The following UTP4 variants were observed in gnomAD, a reference collection of about 807,000 sequenced individuals.
UTP4 encodes the protein UTP4 small subunit processome component.
UTP4 carries 45 observed loss-of-function variants against 82.4 expected under a neutral mutation model. The observed-to-expected ratio is 0.55, with a 90% CI of 0.43 to 0.70. UTP4 has a LOEUF of 0.70. Ranked by LOEUF, UTP4 falls within the 30% of genes least tolerant of loss-of-function variation. The pLI, the probability that UTP4 is intolerant of heterozygous loss-of-function variation, is 0.00. For synonymous variants in UTP4, 348 were observed against 300.3 expected, an observed-to-expected ratio of 1.16 and a Z score of -1.64; for missense variants, 819 against 858.3, an observed-to-expected ratio of 0.95 and a Z score of 0.57.
chr16:69,143,713 T>C (rs1003396900), intron 6 of UTP4, among the ~76,000 whole-genome samples: 4 of 152,124 alleles, frequency 2.6e-5, no homozygotes, highest in Non-Finnish European at 5.9e-5. Flanking sequence ...TACCTTTGTA[T>C]TTATGCATTT....
At chr16:69,148,465 C>G (rs544294618) in intron 6 of UTP4, among the ~76,000 whole-genome samples, 22 of 152,050 alleles carry the variant, frequency 1.4e-4, no homozygotes, top group South Asian at 4.2e-4. Context: ...ACCCCGACCT[C>G]AAGTGATCCG....
intron 5 of UTP4, among the ~76,000 whole-genome samples, chr16:69,142,771 G>T (rs952286263): frequency 1.3e-5 from 2 of 152,168 alleles, no homozygotes; most frequent in Non-Finnish European, 2.9e-5. Context: ...TGTGTGTGCA[G>T]TTGACCAGCT....
intron 6 of UTP4, among the ~76,000 whole-genome samples, chr16:69,149,921 G>A (rs1035175914): frequency 6.6e-6 from 1 of 151,768 alleles, no homozygotes; most frequent in Non-Finnish European, 1.5e-5. Context: ...TAGCGACGGG[G>A]TTCACCATGT....
chr16:69,161,510 A>C (rs902158033), intron 13 of UTP4, among the ~76,000 whole-genome samples: 2 of 152,216 alleles, frequency 1.3e-5, no homozygotes, highest in Non-Finnish European at 2.9e-5. Flanking sequence ...ATAAAAATCC[A>C]TGCCTAGGCA....
intron 11 of UTP4, among the ~76,000 whole-genome samples, chr16:69,156,321 A>G (rs1336519610): frequency 1.3e-5 from 2 of 149,564 alleles, no homozygotes; most frequent in African/African-American, 4.9e-5. Flanking sequence ...CACCTGGCTG[A>G]TTTTTGTATT....
chr16:69,150,657 A>G lies in UTP4; in HGVS notation c.859A>G (p.Thr287Ala), dbSNP rs1163085269. 2 of 1,614,102 alleles carry G rather than the reference A, an allele frequency of 1.2e-6. No homozygotes were observed. The highest frequency in any genetic ancestry group is 2.2e-5 in the South Asian group (2 of 91,084). ...GCGGACAAAACCGTTCCAGCATCAC[A>G]CTCATGACGTGCGCACTGTGGCCCA... Reference protein sequence around the residue: ...WVRTKPFQHHTHDVRTVAHSP... With the variant: ...WVRTKPFQHHAHDVRTVAHSP... The change falls in exon 7 of 17, where the codon ACT becomes GCT. Residue 287 changes from threonine to alanine, a missense_variant. Physicochemically the swap from Thr to Ala is moderately conservative, Grantham distance 58. Coordinates refer to ENST00000314423, the MANE Select transcript of UTP4 (RefSeq NM_032830.3).
At chr16:69,146,381 T>C (rs1469050126) in intron 6 of UTP4, among the ~76,000 whole-genome samples, 1 of 152,214 alleles carries the variant, frequency 6.6e-6, no homozygotes. Context: ...AATTTGCTTA[T>C]AACATTTGTT....
intron 4 of UTP4, among the ~76,000 whole-genome samples, chr16:69,138,849 C>T (rs576952062): frequency 2.6e-5 from 4 of 152,080 alleles, no homozygotes; most frequent in African/African-American, 9.6e-5. Flanking sequence ...CTGTGGGCCA[C>T]AGTTTGGTGA....
In UTP4 at chr16:69,164,725, C is replaced by T. The variant is rs115195678; in HGVS notation, c.1648-616C>T. 5.0e-3 allele frequency among the ~76,000 whole-genome samples: 751 copies of T among 151,300 alleles called. 4 individuals carry two copies. Among genetic ancestry groups the T allele is most frequent in the African/African-American group, 0.018 (732 of 41,226 alleles). On this transcript the variant is annotated intron_variant, in intron 14 of 16. Coordinates refer to ENST00000314423, the MANE Select transcript of UTP4 (RefSeq NM_032830.3). ...CAAAGATATGAAACAAGCTAATGTCCATTAAGCAGAGTGGATAAGTAAATC... is the reference window on the plus strand; with the variant it reads ...CAAAGATATGAAACAAGCTAATGTCTATTAAGCAGAGTGGATAAGTAAATC...
intron 5 of UTP4, chr16:69,142,131 G>C (rs999083785): frequency 6.6e-6 from 1 of 152,120 alleles, no homozygotes; most frequent in Non-Finnish European, 1.5e-5. Context: ...CTTTCCTCAT[G>C]TCTGGTGATC....
At position 69,137,831 on chromosome 16, in the gene UTP4, T is replaced by C; in HGVS notation, c.382T>C (p.Phe128Leu). Residue 128 changes from phenylalanine (F) to leucine (L), a missense_variant, in exon 4 of 17, where the codon TTT becomes CTT. By Grantham distance (22) the Phe-to-Leu change is conservative. Transcript: ENST00000314423. ...VGCEDGSVKL[F>L]QITPDKIQFE... ...TTGTGAAGATGGATCTGTGAAACTATTTCAAATTACCCCAGACAAAATCCA... is the reference window on the plus strand; with the variant it reads ...TTGTGAAGATGGATCTGTGAAACTACTTCAAATTACCCCAGACAAAATCCA... The C allele has an allele frequency of 6.2e-7, 1 of 1,613,246 alleles. No homozygotes were observed. Among genetic ancestry groups the C allele is most frequent in the Non-Finnish European group, 8.5e-7 (1 of 1,179,184 alleles).
At chr16:69,150,489 A>T in intron 6 of UTP4, 48 bp from the exon 7 acceptor site, 1 of 1,607,476 alleles carries the variant, frequency 6.2e-7, no homozygotes. Flanking sequence ...TTTTCCAACC[A>T]GACCTTGTTT....
At chr16:69,165,207 A>C in intron 14 of UTP4, 134 bp from the exon 15 acceptor site, 1 of 746,176 alleles carries the variant, frequency 1.3e-6, no homozygotes, top group East Asian at 2.7e-5. Context: ...AAAAAAAAAA[A>C]AGTGTTGGGA....
At chr16:69,159,664 A>T (rs995845405) in intron 12 of UTP4, among the ~76,000 whole-genome samples, 2 of 151,636 alleles carry the variant, frequency 1.3e-5, no homozygotes, top group African/African-American at 4.8e-5. Context: ...CTCCAGCCTG[A>T]CAACAGAGTG....
In UTP4 at chr16:69,159,349, G is replaced by A. The variant is rs552109740; in HGVS notation, c.1445-1007G>A. Among the ~76,000 whole-genome samples the A allele has an allele frequency of 1.1e-4, 17 of 152,172 alleles. 1 individual carries two copies. The South Asian group carries it at 3.5e-3, about 32-fold the overall frequency. On this transcript the variant is annotated intron_variant, in intron 12 of 16. Coordinates refer to ENST00000314423, the MANE Select transcript of UTP4 (RefSeq NM_032830.3). ...ACCTACCTCTGCCTCCCAAAGTGCT[G>A]GGATTACAGGTGTGAGCTACCACGC... is the stretch of plus-strand genomic sequence containing the variant.
Position 69,168,869 on chromosome 16 carries a change from G to A in UTP4, c.1993G>A (p.Glu665Lys). The change falls in exon 17 of 17, where the codon GAA (glutamate) becomes AAA (lysine). Residue 665 changes from glutamate to lysine, a missense_variant. Coordinates refer to ENST00000314423, the MANE Select transcript of UTP4 (RefSeq NM_032830.3). ...LLDERTLVAV[E>K]RPLDDIIAQL... is the part of the protein sequence containing the mutation. ...GGATGAAAGAACACTCGTGGCAGTA[G>A]AACGGCCTCTGGATGACATCATTGC... 1 of 1,614,066 alleles carries A rather than the reference G, an allele frequency of 6.2e-7. No individual in the cohort carries two copies. The highest frequency in any genetic ancestry group is 8.5e-7 in the Non-Finnish European group (1 of 1,179,946).
At chr16:69,159,052 CTTTT>C (rs376605915) in intron 12 of UTP4, among the ~76,000 whole-genome samples, 2,707 of 149,878 alleles carry the variant, frequency 0.018, 80 homozygotes, top group African/African-American at 0.063. Context: ...TTGTCCGTAA[CTTTT>C]TTTTTTATTA....
Position 69,153,675 on chromosome 16 carries a change from C to G in UTP4, c.1094C>G (p.Ala365Gly), listed in dbSNP as rs368750280. 80 of 1,609,414 alleles carry G rather than the reference C, an allele frequency of 5.0e-5. No individual in the cohort carries two copies. Among genetic ancestry groups the G allele is most frequent in the Non-Finnish European group, 6.5e-5 (76 of 1,176,664 alleles). ...LELWRLGSTV[A>G]TGKNGDTLPL... ...CTTTGGCGACTGGGATCCACAGTTG[C>G]AACAGGTAAGATGGGAGCACGTTTT... Residue 365 changes from alanine to glycine, a missense_variant, in exon 9 of 17, where the codon GCA becomes GGA. Transcript: ENST00000314423.
chr16:69,150,401 A>G, intron 6 of UTP4, 136 bp from the exon 7 acceptor site: 1 of 991,092 alleles, frequency 1.0e-6, no homozygotes, highest in Non-Finnish European at 1.6e-6. Flanking sequence ...TCTGGAAGGA[A>G]AAGACCCTTG....
Sources: allele counts gnomAD v4.1 joint callset (sites outside exome capture counted in the v4.1 genomes callset), GRCh38; gene constraint gnomAD v4.1.1; transcripts MANE v1.5; gene names NCBI Gene and HGNC (gene_info 2026-07-23, HGNC 2026-07-21).